ANGPT1: variants seen among roughly 807,000 people sequenced by gnomAD.
ANGPT1 encodes angiopoietin 1, also known as angiopoietin-1.
ANGPT1 carries 17 observed loss-of-function variants against 62.2 expected under a neutral mutation model. That is an observed-to-expected ratio of 0.27 (90% confidence interval 0.19 to 0.41). ANGPT1 has a LOEUF of 0.41. Ranked by LOEUF, ANGPT1 falls within the 10% of genes least tolerant of loss-of-function variation. The pLI is 1.00. For missense variants in ANGPT1, 478 were observed against 594.9 expected (o/e 0.80, Z 2.04); for synonymous variants, 199 against 198.9 (o/e 1.00, Z 0.00).
chr8:107,282,369 T>C (rs1161760788), intron 7 of ANGPT1, among the ~76,000 whole-genome samples: 2 of 151,278 alleles, frequency 1.3e-5, no homozygotes, highest in African/African-American at 4.9e-5. Context: ...TAGACATCCC[T>C]TATTTAAGTC....
intron 3 of ANGPT1, among the ~76,000 whole-genome samples, chr8:107,334,565 G>C (rs1306450956): frequency 2.1e-5 from 3 of 143,704 alleles, no homozygotes; most frequent in Non-Finnish European, 4.5e-5. Flanking sequence ...TAATAAACGT[G>C]CTATTGTATA....
chr8:107,267,012 T>G (rs1427399549), intron 7 of ANGPT1, among the ~76,000 whole-genome samples: 1 of 152,034 alleles, frequency 6.6e-6, no homozygotes, highest in Non-Finnish European at 1.5e-5. Context: ...CAATTTTTAG[T>G]ATTTTACTTG....
At chr8:107,383,470 C>T (rs1391264788) in intron 1 of ANGPT1, among the ~76,000 whole-genome samples, 1 of 152,138 alleles carries the variant, frequency 6.6e-6, no homozygotes, top group Non-Finnish European at 1.5e-5. Flanking sequence ...GCACCGAATT[C>T]CAGGTTTATC....
chr8:107,299,659 A>G (rs1324727240), intron 5 of ANGPT1, among the ~76,000 whole-genome samples: 1 of 137,670 alleles, frequency 7.3e-6, no homozygotes, highest in African/African-American at 2.6e-5. Flanking sequence ...ATATCTATAT[A>G]TAGACATATA....
chr8:107,261,747 T>C (rs1012565447), intron 8 of ANGPT1, among the ~76,000 whole-genome samples: 2 of 150,866 alleles, frequency 1.3e-5, no homozygotes, highest in South Asian at 4.2e-4. Context: ...TAGAATATGA[T>C]AGAGGCAGAA....
chr8:107,470,358 G>A (rs778616133), intron 1 of ANGPT1, among the ~76,000 whole-genome samples: 1 of 152,042 alleles, frequency 6.6e-6, no homozygotes, highest in East Asian at 1.9e-4. Context: ...ATTATGTTAA[G>A]TATGTGCTGT....
intron 1 of ANGPT1, among the ~76,000 whole-genome samples, chr8:107,441,392 C>T (rs1335303125): frequency 6.6e-6 from 1 of 152,124 alleles, no homozygotes; most frequent in Non-Finnish European, 1.5e-5. Flanking sequence ...AGAAAGCTAC[C>T]AGGTTCCCTC....
In ANGPT1 at chr8:107,497,603, C is replaced by T. The variant is rs1249420599; in HGVS notation, c.-45G>A. Reference sequence around the variant, plus strand: ...TTCCGTGCCTCTCGCAAAACTTGCTCCTTTCTTCTGACCTCTAAAACTAGT... The same window carrying T: ...TTCCGTGCCTCTCGCAAAACTTGCTTCTTTCTTCTGACCTCTAAAACTAGT... On this transcript the variant is annotated 5_prime_UTR_variant, in exon 1 of 9. Transcript: ENST00000517746. The T allele has an allele frequency of 1.3e-6, 2 of 1,575,536 alleles. No individual in the cohort carries two copies. Among genetic ancestry groups the T allele is most frequent in the Non-Finnish European group, 1.7e-6 (2 of 1,157,702 alleles).
At chr8:107,330,935 A>G (rs1399305751) in intron 3 of ANGPT1, among the ~76,000 whole-genome samples, 1 of 152,198 alleles carries the variant, frequency 6.6e-6, no homozygotes, top group African/African-American at 2.4e-5. Context: ...TAACAGGGAA[A>G]AAAGGTAACA....
rs115584437 is a variant in ANGPT1 at position 107,270,404 on chromosome 8, A to G, written c.1206-6053T>C. ...CCCTGCCACCATATGGAACTAGTTT[A>G]TCTTTCTCACAATTACTAAGAAATT... On this transcript the variant is annotated intron_variant, in intron 7 of 8. Transcript: ENST00000517746. 2.5e-3 allele frequency among the ~76,000 whole-genome samples: 385 copies of G among 152,190 alleles called. 2 individuals are homozygous for G. Among genetic ancestry groups the G allele is most frequent in the African/African-American group, 8.9e-3 (371 of 41,548 alleles).
intron 1 of ANGPT1, among the ~76,000 whole-genome samples, chr8:107,447,505 G>T (rs1347258074): frequency 6.6e-6 from 1 of 152,212 alleles, no homozygotes; most frequent in East Asian, 1.9e-4. Flanking sequence ...TCTTGCCTTA[G>T]AGTGTTTGCA....
chr8:107,418,034 G>A (rs1810797007), intron 1 of ANGPT1, among the ~76,000 whole-genome samples: 1 of 152,256 alleles, frequency 6.6e-6, no homozygotes, highest in Non-Finnish European at 1.5e-5. Context: ...CTCAGATCAT[G>A]CACTAGAAAT....
chr8:107,344,389 A>G (rs1815759531), intron 2 of ANGPT1, among the ~76,000 whole-genome samples: 1 of 152,160 alleles, frequency 6.6e-6, no homozygotes, highest in Non-Finnish European at 1.5e-5. Flanking sequence ...AGAGTGAGAA[A>G]AACACTGCAA....
intron 1 of ANGPT1, among the ~76,000 whole-genome samples, chr8:107,353,508 C>G (rs187134326): frequency 6.6e-6 from 1 of 152,170 alleles, no homozygotes; most frequent in African/African-American, 2.4e-5. Context: ...CATGCTCCAT[C>G]CATTTCAGGG....
At chr8:107,278,656 G>A (rs756822928) in intron 7 of ANGPT1, among the ~76,000 whole-genome samples, 1 of 152,142 alleles carries the variant, frequency 6.6e-6, no homozygotes, top group Non-Finnish European at 1.5e-5. Context: ...CATCAGATAT[G>A]GTGAAGTCCA....
At chr8:107,371,999 C>T (rs1372715522) in intron 1 of ANGPT1, among the ~76,000 whole-genome samples, 2 of 151,914 alleles carry the variant, frequency 1.3e-5, no homozygotes, top group Non-Finnish European at 2.9e-5. Flanking sequence ...ATATATGTAT[C>T]ATACCTATGT....
intron 7 of ANGPT1, among the ~76,000 whole-genome samples, chr8:107,282,031 T>C (rs1364414674): frequency 6.6e-6 from 1 of 151,236 alleles, no homozygotes; most frequent in African/African-American, 2.4e-5. Context: ...GAAGCAGTAC[T>C]GGGCATACGT....
intron 2 of ANGPT1, among the ~76,000 whole-genome samples, chr8:107,339,350 T>C (rs551238420): frequency 4.6e-5 from 7 of 152,296 alleles, no homozygotes; most frequent in African/African-American, 1.2e-4. Context: ...CAGAACCCTG[T>C]TCACTTCTTG....
chr8:107,459,553 T>A (rs1311978881), intron 1 of ANGPT1, among the ~76,000 whole-genome samples: 1 of 152,060 alleles, frequency 6.6e-6, no homozygotes, highest in African/African-American at 2.4e-5. Context: ...AGAATTCAAC[T>A]CATATTATGT....
Sources: gnomAD v4.1 joint callset for allele counts (sites outside exome capture counted in the v4.1 genomes callset) on GRCh38, gnomAD v4.1.1 for gene constraint, MANE v1.5 for transcripts, NCBI Gene and HGNC (gene_info 2026-07-23, HGNC 2026-07-21) for gene names.